RXRG: variants seen among roughly 807,000 people sequenced by gnomAD.
The protein encoded by RXRG is retinoic acid receptor RXR-gamma.
In RXRG, 19 loss-of-function variants were observed where a neutral mutation model predicts 49.2. That is an observed-to-expected ratio of 0.39 (90% CI 0.27 to 0.57). The LOEUF (loss-of-function observed/expected upper bound fraction) is 0.57. Ranked by LOEUF, RXRG falls within the 20% of genes least tolerant of loss-of-function variation. The pLI, the probability that RXRG is intolerant of heterozygous loss-of-function variation, is 0.64. For missense variants in RXRG, 452 were observed against 592.5 expected, an observed-to-expected ratio of 0.76 and a Z score of 2.46; for synonymous variants, 224 against 216.6, an observed-to-expected ratio of 1.03 and a Z score of -0.30.
chr1:165,421,276 T>C (rs2101725243), intron 2 of RXRG, among the ~76,000 whole-genome samples: 1 of 152,330 alleles, frequency 6.6e-6, no homozygotes, highest in South Asian at 2.1e-4. Flanking sequence ...AACATCACTG[T>C]TAATTTTTAA....
chr1:165,419,915 A>G lies in RXRG; in HGVS notation c.397T>C (p.Ser133Pro). 1 of 1,613,546 alleles carries G rather than the reference A, an allele frequency of 6.2e-7. No individual in the cohort carries two copies. Among genetic ancestry groups the G allele is most frequent in the Non-Finnish European group, 8.5e-7 (1 of 1,179,684 alleles). ...ATGGCACAGATGTGTTTAACCAGAG[A>G]TCCGGGGCTGGTGGATGGGTAGTTC... ...NMNYPSTSPG[S>P]LVKHICAICG... Residue 133 changes from serine to proline, a missense_variant, in exon 3 of 10, where the codon TCT becomes CCT. Ser to Pro is a moderately conservative substitution (Grantham distance 74). Around this residue, in one of 2 missense-constraint regions of RXRG, gnomAD observed 286 missense variants for 440.9 expected, o/e 0.65. Coordinates refer to ENST00000359842, the MANE Select transcript of RXRG (RefSeq NM_006917.5).
chr1:165,405,464 C>A (rs2101703098), intron 9 of RXRG, among the ~76,000 whole-genome samples: 1 of 152,330 alleles, frequency 6.6e-6, no homozygotes, highest in Middle Eastern at 3.4e-3. Flanking sequence ...TCCTTTGTGG[C>A]CAGCTGGGCC....
At chr1:165,409,291 G>T (rs555236511) in intron 7 of RXRG, among the ~76,000 whole-genome samples, 2 of 152,260 alleles carry the variant, frequency 1.3e-5, no homozygotes, top group South Asian at 4.1e-4. Context: ...TGGCAACTGT[G>T]CTGGCCTCTG....
At chr1:165,440,263 T>A (rs1433317030) in intron 1 of RXRG, among the ~76,000 whole-genome samples, 1 of 152,224 alleles carries the variant, frequency 6.6e-6, no homozygotes, top group Non-Finnish European at 1.5e-5. Flanking sequence ...TGGCAAATTA[T>A]TAATTTCTCT....
intron 9 of RXRG, among the ~76,000 whole-genome samples, chr1:165,404,243 C>T (rs1657673333): frequency 6.6e-6 from 1 of 152,328 alleles, no homozygotes; most frequent in Non-Finnish European, 1.5e-5. Context: ...TTGATCAGGG[C>T]AGTCAGCCTC....
intron 4 of RXRG, among the ~76,000 whole-genome samples, chr1:165,415,136 G>T (rs1027748505): frequency 2.0e-5 from 3 of 152,110 alleles, no homozygotes; most frequent in African/African-American, 7.2e-5. Context: ...ACCAGGCAAG[G>T]CTTTACCAAG....
intron 1 of RXRG, among the ~76,000 whole-genome samples, chr1:165,429,984 A>G (rs377049307): frequency 3.8e-4 from 58 of 152,216 alleles, no homozygotes; most frequent in African/African-American, 1.4e-3. Context: ...GAGACTAGAA[A>G]ACACCACAGG....
chr1:165,436,730 G>A (rs1486455244), intron 1 of RXRG, among the ~76,000 whole-genome samples: 1 of 152,140 alleles, frequency 6.6e-6, no homozygotes, highest in Non-Finnish European at 1.5e-5. Flanking sequence ...CCTCACCCCA[G>A]GCAGTGACCT....
intron 8 of RXRG, 151 bp from the exon 9 acceptor site, chr1:165,407,068 C>T: frequency 1.7e-6 from 1 of 590,504 alleles, no homozygotes; most frequent in South Asian, 2.1e-5. Context: ...TGCCCCCTTG[C>T]TCTTCTTTCT....
chr1:165,406,160 T>C (rs75108753), intron 9 of RXRG, among the ~76,000 whole-genome samples: 760 of 89,868 alleles, frequency 8.5e-3, no homozygotes, highest in Non-Finnish European at 0.015. Context: ...TTTTAATAAC[T>C]CAGAAATACC....
At chr1:165,434,280 A>ATGTGTGTATG (rs1658764652) in intron 1 of RXRG, among the ~76,000 whole-genome samples, 1 of 130,988 alleles carries the variant, frequency 7.6e-6, no homozygotes, top group South Asian at 2.5e-4. Context: ...GCATGTGTGT[A>ATGTGTGTATG]TGTGTGTGTG....
rs1188722972 is a variant in RXRG, at chr1:165,410,807, A to G, written c.808T>C (p.Cys270Arg). 2.5e-6 allele frequency: 4 copies of G among 1,614,078 alleles called. No individual in the cohort carries two copies. Among genetic ancestry groups the G allele is most frequent in the South Asian group, 2.2e-5 (2 of 91,090 alleles). Residue 270 changes from cysteine to arginine, a missense_variant, in exon 6 of 10, where the codon TGT becomes CGT. This residue lies in a region of RXRG where 286 missense variants were observed against 440.9 expected (regional missense o/e 0.65). Coordinates refer to ENST00000359842, the MANE Select transcript of RXRG (RefSeq NM_006917.5). ...AAAAGCTGCTTGTCAGCAGCATGAC[A>G]TATGTTGGTAACAGGGTCATTTGTC... ...NSTNDPVTNI[C>R]HAADKQLFTL...
In RXRG at chr1:165,440,276, C is replaced by T. The variant is rs1557928591; in HGVS notation, c.49+4569G>A. Among the ~76,000 whole-genome samples, 3 of 152,162 alleles carry T rather than the reference C, an allele frequency of 2.0e-5. No homozygotes were observed. The East Asian group carries it at 5.8e-4, about 29-fold the overall frequency. On this transcript the variant is annotated intron_variant, in intron 1 of 9. Coordinates refer to ENST00000359842, the MANE Select transcript of RXRG (RefSeq NM_006917.5). ...TTTGGCAAATTATTAATTTCTCTGTCCCCCAGTTTTTACATCTGTATAATG... is the reference window on the plus strand; with the variant it reads ...TTTGGCAAATTATTAATTTCTCTGTTCCCCAGTTTTTACATCTGTATAATG...
intron 1 of RXRG, among the ~76,000 whole-genome samples, chr1:165,429,431 T>C (rs1171205651): frequency 6.6e-6 from 1 of 152,190 alleles, no homozygotes; most frequent in Admixed American, 6.5e-5. Flanking sequence ...TGAGATTCAT[T>C]CATTTATATG....
chr1:165,405,310 A>G (rs1415729617), intron 9 of RXRG, among the ~76,000 whole-genome samples: 1 of 152,248 alleles, frequency 6.6e-6, no homozygotes, highest in Non-Finnish European at 1.5e-5. Flanking sequence ...CTCACACCTG[A>G]CAGAGGCCAA....
At chr1:165,442,890 A>G (rs1254441511) in intron 1 of RXRG, among the ~76,000 whole-genome samples, 1 of 152,232 alleles carries the variant, frequency 6.6e-6, no homozygotes. Context: ...ATTGGGAACC[A>G]AACTCAGCAC....
At chr1:165,428,246 C>T (rs1293763622) in intron 2 of RXRG, among the ~76,000 whole-genome samples, 1 of 152,190 alleles carries the variant, frequency 6.6e-6, no homozygotes, top group Non-Finnish European at 1.5e-5. Context: ...GCATGTAATG[C>T]AGTCTGCCTT....
intron 9 of RXRG, among the ~76,000 whole-genome samples, chr1:165,401,684 A>G (rs930656402): frequency 2.6e-5 from 4 of 152,182 alleles, no homozygotes; most frequent in Admixed American, 6.5e-5. Context: ...CCCCTCATTC[A>G]CAGTGGAGAA....
chr1:165,413,825 T>C (rs763302378), intron 4 of RXRG, among the ~76,000 whole-genome samples: 8 of 152,168 alleles, frequency 5.3e-5, no homozygotes, highest in Non-Finnish European at 8.8e-5. Flanking sequence ...TTTCAGGAAA[T>C]GGACGTGTTA....
Sources: allele counts gnomAD v4.1 joint callset (sites outside exome capture counted in the v4.1 genomes callset), GRCh38; gene constraint gnomAD v4.1.1; regional missense constraint gnomAD v4.1.1; transcripts MANE v1.5; gene names NCBI Gene and HGNC (gene_info 2026-07-23, HGNC 2026-07-21).